Variants in TASP1 observed in about 807,000 individuals in gnomAD.
TASP1 encodes taspase 1, also known as threonine aspartase 1.
A neutral mutation model predicts 56.6 loss-of-function variants in TASP1; 16 were observed. That is an observed-to-expected ratio of 0.28 (90% CI 0.19 to 0.43). TASP1 has a LOEUF of 0.43. Ranked by LOEUF, TASP1 falls within the 20% of genes least tolerant of loss-of-function variation. The pLI is 1.00. For synonymous variants in TASP1, 179 were observed against 184.2 expected, an observed-to-expected ratio of 0.97 and a Z score of 0.23; for missense variants, 393 against 511.6, an observed-to-expected ratio of 0.77 and a Z score of 2.24.
intron 11 of TASP1, among the ~76,000 whole-genome samples, chr20:13,438,164 C>T (rs1022496549): frequency 2.6e-5 from 4 of 152,170 alleles, no homozygotes; most frequent in African/African-American, 9.6e-5. Context: ...CTTTAAAGTT[C>T]ATATGGAACC....
intron 13 of TASP1, among the ~76,000 whole-genome samples, chr20:13,409,338 G>C (rs978034499): frequency 1.3e-5 from 2 of 151,920 alleles, no homozygotes; most frequent in Non-Finnish European, 2.9e-5. Flanking sequence ...GAGAAAGAAG[G>C]ATGTTAAAGT....
chr20:13,194,003 T>C, the TASP1 span, among the ~76,000 whole-genome samples: 2 of 152,182 alleles, frequency 1.3e-5, no homozygotes, highest in Non-Finnish European at 2.9e-5. Flanking sequence ...TCTATGTAAT[T>C]TATGTAGGTG....
chr20:13,248,372 T>A, the TASP1 span, among the ~76,000 whole-genome samples: 1 of 152,176 alleles, frequency 6.6e-6, no homozygotes, highest in Admixed American at 6.5e-5. Context: ...AAATTTGATA[T>A]TCTTTTGAAA....
Position 13,390,395 on chromosome 20 carries a change from C to T in TASP1, c.1228G>A (p.Gly410Ser). 6.2e-7 allele frequency: 1 copy of T among 1,614,100 alleles called. No individual in the cohort carries two copies. Among genetic ancestry groups the T allele is most frequent in the Non-Finnish European group, 8.5e-7 (1 of 1,179,988 alleles). ...GGGCTCTCCAGGCGGCACACCCCAC[C>T]TTCGATTGCCACAGACTGTCCTGCC... Reference protein sequence around the residue: ...AVAGQSVAIEGGVCRLESPVN With the variant: ...AVAGQSVAIESGVCRLESPVN The change falls in exon 14 of 14, where the codon GGT becomes AGT. Residue 410 changes from glycine (G) to serine (S), a missense_variant. Gly to Ser is a moderately conservative substitution (Grantham distance 56). Transcript: ENST00000337743.
At chr20:13,419,268 G>A (rs1407994693) in intron 12 of TASP1, among the ~76,000 whole-genome samples, 1 of 152,134 alleles carries the variant, frequency 6.6e-6, no homozygotes, top group African/African-American at 2.4e-5. Context: ...TTGTGTGTAT[G>A]TGTGTGTGCA....
chr20:13,419,202 C>A (rs966476795), intron 12 of TASP1, among the ~76,000 whole-genome samples: 2 of 152,062 alleles, frequency 1.3e-5, no homozygotes, highest in Non-Finnish European at 2.9e-5. Flanking sequence ...AATAAAGGAG[C>A]CTGATGTCTC....
In TASP1 at chr20:13,390,134, A is replaced by C. The variant is rs368255982; in HGVS notation, c.*226T>G. On this transcript the variant is annotated 3_prime_UTR_variant, in exon 14 of 14. Transcript: ENST00000337743. ...AAACACACATACTCCACACATACAC[A>C]TATGTGCGCACATACGCGCACACAC... The C allele has an allele frequency of 3.8e-4, 185 of 484,858 alleles. 1 individual carries two copies. The East Asian group carries it at 6.7e-3, about 17-fold the overall frequency. 30.0% of individuals were successfully genotyped at this position (484,858 alleles called of 1,614,324 possible).
intron 4 of TASP1, among the ~76,000 whole-genome samples, chr20:13,620,051 T>C (rs565786585): frequency 1.3e-5 from 2 of 152,232 alleles, no homozygotes; most frequent in South Asian, 4.1e-4. Context: ...ATTTAATAGA[T>C]AGGAACTTTT....
At chr20:13,188,467 A>T in the TASP1 span, among the ~76,000 whole-genome samples, 1 of 152,204 alleles carries the variant, frequency 6.6e-6, no homozygotes, top group Non-Finnish European at 1.5e-5. Flanking sequence ...ACTATCAATA[A>T]ATTTAACCAA....
intron 13 of TASP1, among the ~76,000 whole-genome samples, chr20:13,405,778 G>A (rs1030027288): frequency 2.0e-5 from 3 of 147,738 alleles, no homozygotes; most frequent in Non-Finnish European, 4.5e-5. Context: ...GGATAGTCTT[G>A]ATCTCCTGAC....
the TASP1 span, among the ~76,000 whole-genome samples, chr20:13,140,808 TTATAA>T: frequency 6.6e-6 from 1 of 152,244 alleles, no homozygotes; most frequent in Non-Finnish European, 1.5e-5. Flanking sequence ...AGAGTGACAC[TTATAA>T]TGTATGTGCA....
chr20:13,571,726 G>C (rs1368949546), intron 6 of TASP1, among the ~76,000 whole-genome samples: 2 of 152,206 alleles, frequency 1.3e-5, no homozygotes, highest in African/African-American at 4.8e-5. Context: ...GTGAGGACCA[G>C]TGTAAAAACT....
the TASP1 span, among the ~76,000 whole-genome samples, chr20:13,200,020 G>A: frequency 3.9e-5 from 6 of 152,268 alleles, no homozygotes; most frequent in South Asian, 8.3e-4. Context: ...ATTCCAAATA[G>A]ATAAAGTCAC....
rs78796253 is a variant in TASP1 at position 13,603,095 on chromosome 20, G to A, written c.283-15725C>T. Among the ~76,000 whole-genome samples, 106 of 152,204 alleles carry A rather than the reference G, an allele frequency of 7.0e-4. 2 individuals carry two copies. The East Asian group carries it at 0.02, about 29-fold the overall frequency. On this transcript the variant is annotated intron_variant, in intron 4 of 13. Coordinates refer to ENST00000337743, the MANE Select transcript of TASP1 (RefSeq NM_017714.3). ...AAAATACAAAAAGCAGCTGGGCATG[G>A]TGGCGTGCATCTGTAATCTCAGCTA...
intron 13 of TASP1, among the ~76,000 whole-genome samples, chr20:13,404,878 C>T (rs544959833): frequency 6.6e-6 from 1 of 152,098 alleles, no homozygotes; most frequent in African/African-American, 2.4e-5. Context: ...TCCTTTGTTA[C>T]ACATAAAAAA....
the TASP1 span, chr20:13,299,537 C>T: frequency 1.5e-6 from 2 of 1,320,538 alleles, no homozygotes; most frequent in East Asian, 2.3e-5. The surrounding 1 kb of genome is among the most constrained non-coding windows in gnomAD (Gnocchi z 5.8). Flanking sequence ...CGACTGGCGC[C>T]GAGACCTTCA....
chr20:13,392,550 G>A (rs949687515), intron 13 of TASP1: 3 of 258,840 alleles, frequency 1.2e-5, no homozygotes, highest in African/African-American at 2.3e-5. Flanking sequence ...GAAATGCTGA[G>A]TGGGTAAATG....
At chr20:13,233,822 A>G in the TASP1 span, among the ~76,000 whole-genome samples, 1 of 152,188 alleles carries the variant, frequency 6.6e-6, no homozygotes, top group Non-Finnish European at 1.5e-5. Context: ...TGGCCCAGAG[A>G]TAGACAAGAA....
intron 10 of TASP1, among the ~76,000 whole-genome samples, chr20:13,490,026 A>G (rs1246214108): frequency 1.3e-5 from 2 of 152,170 alleles, no homozygotes; most frequent in Non-Finnish European, 2.9e-5. Context: ...AAAGAAGACG[A>G]CTTCTAGCTA....
Sources: gnomAD v4.1 joint callset for allele counts (sites outside exome capture counted in the v4.1 genomes callset) on GRCh38, gnomAD v4.1.1 for gene constraint, Gnocchi (gnomAD v3.1) non-coding constraint, MANE v1.5 for transcripts, NCBI Gene and HGNC (gene_info 2026-07-23, HGNC 2026-07-21) for gene names.